The following SLC9A9 variants were observed in gnomAD, a reference collection of about 807,000 sequenced individuals.
The protein encoded by SLC9A9 is sodium/hydrogen exchanger 9.
A neutral mutation model predicts 77.8 loss-of-function variants in SLC9A9; 62 were observed. That is an observed-to-expected ratio of 0.80 (90% confidence interval 0.65 to 0.98). SLC9A9 has a LOEUF of 0.98. SLC9A9 is among the 50% of genes least tolerant of loss of function. SLC9A9 has a pLI of 0.00. For missense variants in SLC9A9, 775 were observed against 774.9 expected (o/e 1.00, Z 0.00); for synonymous variants, 320 against 283.5 (o/e 1.13, Z -1.29).
At chr3:143,370,503 T>C (rs1056716709) in intron 13 of SLC9A9, among the ~76,000 whole-genome samples, 1 of 151,656 alleles carries the variant, frequency 6.6e-6, no homozygotes, top group African/African-American at 2.4e-5. Context: ...GCCTGACACA[T>C]ATCATAATTC....
At chr3:143,708,899 A>G (rs1429805251) in intron 4 of SLC9A9, among the ~76,000 whole-genome samples, 1 of 152,208 alleles carries the variant, frequency 6.6e-6, no homozygotes, top group Admixed American at 6.5e-5. Flanking sequence ...AAAAATGACA[A>G]TTCAGTAAGC....
chr3:143,720,722 C>CG (rs1339883472), intron 4 of SLC9A9, among the ~76,000 whole-genome samples: 2 of 151,668 alleles, frequency 1.3e-5, no homozygotes, highest in Admixed American at 1.3e-4. Context: ...CCCCAGCCAC[C>CG]TGTCCTTAAG....
At chr3:143,722,875 C>A (rs1934540217) in intron 4 of SLC9A9, among the ~76,000 whole-genome samples, 1 of 152,184 alleles carries the variant, frequency 6.6e-6, no homozygotes, top group Admixed American at 6.5e-5. Context: ...AAACAGAGCT[C>A]AAGACACCAA....
chr3:143,510,955 C>T (rs2108604935), intron 9 of SLC9A9, among the ~76,000 whole-genome samples: 1 of 152,306 alleles, frequency 6.6e-6, no homozygotes, highest in South Asian at 2.1e-4. Context: ...CTGTTCACTT[C>T]TCCAAGAAAT....
intron 2 of SLC9A9, among the ~76,000 whole-genome samples, chr3:143,808,589 A>G (rs1247532822): frequency 2.0e-5 from 3 of 152,200 alleles, no homozygotes; most frequent in African/African-American, 7.2e-5. Context: ...TGAGGCACTG[A>G]GGAGAAAAAC....
intron 14 of SLC9A9, among the ~76,000 whole-genome samples, chr3:143,274,627 T>TA (rs1937992905): frequency 6.6e-6 from 1 of 152,202 alleles, no homozygotes; most frequent in Admixed American, 6.5e-5. Context: ...TGAACTGGCT[T>TA]CACCATGCCA....
At chr3:143,720,239 T>TTA (rs1331525631) in intron 4 of SLC9A9, among the ~76,000 whole-genome samples, 5 of 148,578 alleles carry the variant, frequency 3.4e-5, no homozygotes, top group Non-Finnish European at 7.5e-5. Context: ...TATATGTATT[T>TTA]TATATATATA....
intron 12 of SLC9A9, among the ~76,000 whole-genome samples, chr3:143,431,485 C>CTCT (rs2034514538): frequency 7.7e-6 from 1 of 130,116 alleles, no homozygotes. Flanking sequence ...CTGCCCCCAC[C>CTCT]TTTTTTTTTT....
chr3:143,282,962 A>G (rs770733233), intron 14 of SLC9A9, among the ~76,000 whole-genome samples: 1 of 152,190 alleles, frequency 6.6e-6, no homozygotes, highest in Non-Finnish European at 1.5e-5. Flanking sequence ...GAATTTCTTC[A>G]CTGGGGTTTC....
At position 143,520,089 on chromosome 3, in the gene SLC9A9, A is replaced by G. The variant is rs114952498; in HGVS notation, c.1090-24641T>C. On this transcript the variant is annotated intron_variant, in intron 9 of 15. Coordinates refer to ENST00000316549, the MANE Select transcript of SLC9A9 (RefSeq NM_173653.4). The stretch of plus-strand genomic sequence containing the variant: ...GTGGTATTTAAATTCATGAGTCTAA[A>G]TCAGATCATCTAGGAAATGAGTTTA... Among the ~76,000 whole-genome samples the G allele has an allele frequency of 3.3e-3, 499 of 152,358 alleles. 3 individuals carry two copies. Among genetic ancestry groups the G allele is most frequent in the African/African-American group, 0.012 (481 of 41,590 alleles).
chr3:143,371,263 T>C (rs570732044), intron 13 of SLC9A9, among the ~76,000 whole-genome samples: 1 of 152,206 alleles, frequency 6.6e-6, no homozygotes, highest in South Asian at 2.1e-4. Context: ...AAAAGTCAGC[T>C]ATTCTATTGA....
chr3:143,319,017 A>G (rs2031321826), intron 14 of SLC9A9, among the ~76,000 whole-genome samples: 1 of 152,226 alleles, frequency 6.6e-6, no homozygotes, highest in South Asian at 2.1e-4. Flanking sequence ...TTTGACTTAT[A>G]ATAAATAACT....
At chr3:143,325,891 G>GA (rs2031587469) in intron 14 of SLC9A9, among the ~76,000 whole-genome samples, 1 of 152,212 alleles carries the variant, frequency 6.6e-6, no homozygotes, top group South Asian at 2.1e-4. Context: ...GGAATGTACA[G>GA]ACATGCCCTC....
At chr3:143,736,523 A>G (rs1392293889) in intron 4 of SLC9A9, among the ~76,000 whole-genome samples, 3 of 152,168 alleles carry the variant, frequency 2.0e-5, no homozygotes, top group Non-Finnish European at 4.4e-5. Context: ...AACGTTGAAC[A>G]GGTACAGAGC....
At chr3:143,618,948 C>A (rs1260032122) in intron 6 of SLC9A9, among the ~76,000 whole-genome samples, 1 of 152,168 alleles carries the variant, frequency 6.6e-6, no homozygotes, top group African/African-American at 2.4e-5. Context: ...AAAGGGACTG[C>A]AGAACCATGA....
chr3:143,743,953 A>G (rs1230979796), intron 4 of SLC9A9, among the ~76,000 whole-genome samples: 1 of 152,150 alleles, frequency 6.6e-6, no homozygotes, highest in Non-Finnish European at 1.5e-5. Flanking sequence ...AACTCCTGAC[A>G]CTTTTAAGCC....
rs2034974486 is a variant in SLC9A9, at chr3:143,450,067, TATATATAATATAAC to T, written c.1469+16956_1469+16969del. Among the ~76,000 whole-genome samples, 3 of 59,102 alleles carry T rather than the reference TATATATAATATAAC, an allele frequency of 5.1e-5. No homozygotes were observed. In the Admixed American group the frequency reaches 8.7e-4, roughly 17 times the overall value. 38.8% of individuals were successfully genotyped at this position (59,102 alleles called of 152,430 possible). On this transcript the variant is annotated intron_variant, in intron 12 of 15. Coordinates refer to ENST00000316549, the MANE Select transcript of SLC9A9 (RefSeq NM_173653.4). The stretch of plus-strand genomic sequence containing the variant: ...TATATATACACACATATATAATATG[TATATATAATATAAC>T]ATATATAAATACATATATAATATAC...
intron 9 of SLC9A9, among the ~76,000 whole-genome samples, chr3:143,538,472 C>T (rs1032394789): frequency 6.6e-6 from 1 of 152,162 alleles, no homozygotes; most frequent in Admixed American, 6.5e-5. Flanking sequence ...GCCTGCAGAC[C>T]ACCATTTAAG....
At chr3:143,291,434 G>GC (rs909116017) in intron 14 of SLC9A9, among the ~76,000 whole-genome samples, 2 of 152,184 alleles carry the variant, frequency 1.3e-5, no homozygotes, top group Non-Finnish European at 2.9e-5. Flanking sequence ...AGTAGGACCT[G>GC]CCCATGATAC....
Sources: allele counts gnomAD v4.1 joint callset (sites outside exome capture counted in the v4.1 genomes callset), GRCh38; gene constraint gnomAD v4.1.1; transcripts MANE v1.5; gene names NCBI Gene and HGNC (gene_info 2026-07-23, HGNC 2026-07-21).